Variants in ARID1B observed in about 807,000 individuals in gnomAD.
ARID1B encodes the protein AT-rich interactive domain-containing protein 1B.
A neutral mutation model predicts 212.3 loss-of-function variants in ARID1B; 30 were observed. The observed-to-expected ratio is 0.14, with a 90% CI of 0.11 to 0.19. The LOEUF is 0.19. ARID1B is among the 10% of genes least tolerant of loss of function. The pLI is 1.00. For synonymous variants in ARID1B, 1,402 were observed against 1,301.7 expected, an observed-to-expected ratio of 1.08 and a Z score of -1.66; for missense variants, 2,891 against 3,204.0, an observed-to-expected ratio of 0.90 and a Z score of 2.36.
At chr6:157,090,777 C>G (rs1487202239) in intron 5 of ARID1B, among the ~76,000 whole-genome samples, 2 of 152,220 alleles carry the variant, frequency 1.3e-5, no homozygotes, top group African/African-American at 4.8e-5. Context: ...GCCTTCAGAG[C>G]TGAGACTGTG....
intron 2 of ARID1B, among the ~76,000 whole-genome samples, chr6:156,881,494 C>A (rs1257389900): frequency 6.6e-6 from 1 of 152,024 alleles, no homozygotes; most frequent in African/African-American, 2.4e-5. Flanking sequence ...CATGTAATAC[C>A]TTTAGGTTCT....
intron 4 of ARID1B, among the ~76,000 whole-genome samples, chr6:156,952,884 G>A (rs986140208): frequency 1.3e-5 from 2 of 152,174 alleles, no homozygotes; most frequent in African/African-American, 2.4e-5. Context: ...TCGAGTAAGC[G>A]AAAATCCTTG....
At chr6:156,876,751 G>A (rs771343580) in intron 2 of ARID1B, among the ~76,000 whole-genome samples, 2 of 152,190 alleles carry the variant, frequency 1.3e-5, no homozygotes, top group Non-Finnish European at 2.9e-5. Flanking sequence ...AGTTGCTTTA[G>A]CCCCTCAACC....
intron 4 of ARID1B, among the ~76,000 whole-genome samples, chr6:157,010,571 C>G (rs958348932): frequency 6.6e-6 from 1 of 151,666 alleles, no homozygotes; most frequent in Non-Finnish European, 1.5e-5. Flanking sequence ...CCGCCCACTT[C>G]AGCCTCCCAA....
intron 4 of ARID1B, among the ~76,000 whole-genome samples, chr6:156,980,125 A>T (rs890304560): frequency 1.2e-4 from 18 of 152,196 alleles, no homozygotes; most frequent in African/African-American, 4.3e-4. Context: ...ATTCATTAAA[A>T]TTTTTTGTAA....
At chr6:156,862,204 G>T (rs1285439402) in intron 2 of ARID1B, among the ~76,000 whole-genome samples, 1 of 151,960 alleles carries the variant, frequency 6.6e-6, no homozygotes, top group Non-Finnish European at 1.5e-5. Flanking sequence ...TTACTGTGTG[G>T]CTCAGTGGTT....
chr6:157,129,044 A>C (rs1583359557), intron 6 of ARID1B, among the ~76,000 whole-genome samples: 1 of 152,262 alleles, frequency 6.6e-6, no homozygotes, highest in East Asian at 1.9e-4. Context: ...TGTTCATCCC[A>C]GCTGGAAGCT....
intron 2 of ARID1B, among the ~76,000 whole-genome samples, chr6:156,897,212 G>GCTTCTTCTT (rs1259415755): frequency 2.9e-4 from 20 of 70,002 alleles, no homozygotes; most frequent in East Asian, 1.1e-3. Context: ...TGCTGCTGCT[G>GCTTCTTCTT]CTGCTGCTTC....
At chr6:157,179,231 C>T (rs1244920820) in intron 11 of ARID1B, among the ~76,000 whole-genome samples, 8 of 151,950 alleles carry the variant, frequency 5.3e-5, no homozygotes, top group Non-Finnish European at 1.0e-4. Context: ...ATAACTGTCC[C>T]GTTAATAAAA....
intron 2 of ARID1B, among the ~76,000 whole-genome samples, chr6:156,897,218 G>GCTGCTGCTTCTTCTTCTTCTTCTTCTT (rs1554264583): frequency 3.3e-5 from 3 of 91,372 alleles, no homozygotes; most frequent in Non-Finnish European, 6.6e-5. Flanking sequence ...TGCTGCTGCT[G>GCTGCTGCTTCTTCTTCTTCTTCTTCTT]CTTCTTCTTC....
intron 4 of ARID1B, among the ~76,000 whole-genome samples, chr6:156,979,645 C>T (rs557375084): frequency 6.6e-6 from 1 of 152,096 alleles, no homozygotes; most frequent in South Asian, 2.1e-4. Context: ...GCAACCTCCG[C>T]CTCCCAGGTT....
intron 6 of ARID1B, among the ~76,000 whole-genome samples, chr6:157,115,551 C>G (rs538930645): frequency 6.6e-6 from 1 of 152,202 alleles, no homozygotes; most frequent in South Asian, 2.1e-4. Flanking sequence ...CTCAGCCTCC[C>G]GAGTAGCTGG....
chr6:157,063,226 C>A (rs1206400416), intron 4 of ARID1B, among the ~76,000 whole-genome samples: 4 of 151,634 alleles, frequency 2.6e-5, no homozygotes, highest in Non-Finnish European at 5.9e-5. Context: ...GCCATTTTTT[C>A]ATGCCAGTGT....
chr6:157,064,782 C>T (rs1783566996), intron 4 of ARID1B, among the ~76,000 whole-genome samples: 1 of 152,184 alleles, frequency 6.6e-6, no homozygotes, highest in Admixed American at 6.5e-5. Flanking sequence ...CCTGATACTG[C>T]GTGCACCCCA....
chr6:157,071,706 G>A (rs918007640), intron 4 of ARID1B: 3 of 152,170 alleles, frequency 2.0e-5, no homozygotes, highest in Admixed American at 1.3e-4. Flanking sequence ...TTTAAAGTCT[G>A]TGTAAATTAT....
At chr6:157,004,897 C>CTTTTTTGTTTTTTTTTTGTTTTTTT (rs1562542228) in intron 4 of ARID1B, among the ~76,000 whole-genome samples, 1 of 54,740 alleles carries the variant, frequency 1.8e-5, no homozygotes, top group East Asian at 3.7e-4. Context: ...CTTCTTTTTT[C>CTTTTTTGTTTTTTTTTTGTTTTTTT]TTTTTTTTTT....
chr6:157,044,676 T>G (rs1001712628), intron 4 of ARID1B, among the ~76,000 whole-genome samples: 1 of 152,364 alleles, frequency 6.6e-6, no homozygotes, highest in South Asian at 2.1e-4. Context: ...TTTTCCAGTT[T>G]TAATCATTTC....
chr6:157,160,435 G>A lies in ARID1B; in HGVS notation c.3090-6605G>A, dbSNP rs568920161. ...CCTAATTCATCACCAAATCCTGTCC[G>A]TTTCACCTCCACGATATTGCTCAAC... On this transcript the variant is annotated intron_variant, in intron 8 of 19. Transcript: ENST00000636930. 9.2e-5 allele frequency among the ~76,000 whole-genome samples: 14 copies of A among 152,220 alleles called. No homozygotes were observed. In the South Asian group the frequency reaches 1.5e-3, roughly 16 times the overall value.
chr6:157,190,134 G>T lies in ARID1B; in HGVS notation c.4155G>T (p.Gln1385His). The change falls in exon 15 of 20, where the codon CAG becomes CAT. Residue 1385 changes from glutamine to histidine, a missense_variant. This residue lies in a region of ARID1B where 666 missense variants were observed against 873.5 expected (regional missense o/e 0.76). Coordinates refer to ENST00000636930, the MANE Select transcript of ARID1B (RefSeq NM_001374828.1). The surrounding 1 kb of genome is among the most constrained non-coding windows in gnomAD (Gnocchi z 4.6). ...NSMTPNAPYQ[Q>H]GMSMPDVMGR... ...TGACTCCAAACGCCCCCTACCAGCA[G>T]GGCATGAGCATGCCCGATGTGATGG... 6.2e-7 allele frequency: 1 copy of T among 1,614,202 alleles called. No homozygotes were observed.
Sources: gnomAD v4.1 joint callset for allele counts (sites outside exome capture counted in the v4.1 genomes callset) on GRCh38, gnomAD v4.1.1 for gene constraint, gnomAD v4.1.1 regional missense constraint, Gnocchi (gnomAD v3.1) non-coding constraint, MANE v1.5 for transcripts, NCBI Gene and HGNC (gene_info 2026-07-23, HGNC 2026-07-21) for gene names.